Variants in LAMA3 observed in about 807,000 individuals in gnomAD.
LAMA3 encodes laminin subunit alpha-3.
In LAMA3, 281 loss-of-function variants were observed where a neutral mutation model predicts 402.0. The observed-to-expected ratio is 0.70, with a 90% CI of 0.63 to 0.77. LAMA3 has a LOEUF of 0.77. Ranked by LOEUF, LAMA3 falls within the 30% of genes least tolerant of loss-of-function variation. LAMA3 has a pLI of 0.00. For missense variants in LAMA3, 3,840 were observed against 4,215.5 expected, an observed-to-expected ratio of 0.91 and a Z score of 2.47; for synonymous variants, 1,431 against 1,558.4, an observed-to-expected ratio of 0.92 and a Z score of 1.93.
At chr18:23,820,237 A>G (rs1446995150) in intron 19 of LAMA3, among the ~76,000 whole-genome samples, 2 of 152,206 alleles carry the variant, frequency 1.3e-5, no homozygotes, top group East Asian at 3.8e-4. Context: ...TTTGATTACC[A>G]AATCAGAAAA....
chr18:23,904,425 G>T (rs1347522634), intron 50 of LAMA3, 128 bp from the exon 51 acceptor site: 53 of 1,114,970 alleles, frequency 4.8e-5, no homozygotes, highest in Non-Finnish European at 4.6e-5. Flanking sequence ...ATTTTATTTT[G>T]TTTTTTTCCA....
At chr18:23,726,145 G>A (rs947544531) in intron 2 of LAMA3, among the ~76,000 whole-genome samples, 2 of 152,178 alleles carry the variant, frequency 1.3e-5, no homozygotes, top group Non-Finnish European at 2.9e-5. Context: ...GGGTGAGTGG[G>A]GCAAGGAAGC....
Position 23,953,095 on chromosome 18 carries a change from T to C in LAMA3, c.9842T>C (p.Leu3281Pro). 5 of 1,614,064 alleles carry C rather than the reference T, an allele frequency of 3.1e-6. No homozygotes were observed. Among genetic ancestry groups the C allele is most frequent in the Non-Finnish European group, 4.2e-6 (5 of 1,179,956 alleles). ...PPASTQEPLH[L>P]GGAPANLTTL... Reference sequence around the variant, plus strand: ...GCCAGCACTCAAGAGCCACTACACCTTGGAGGTGCTCCAGGTAACTCTTGT... The same window carrying C: ...GCCAGCACTCAAGAGCCACTACACCCTGGAGGTGCTCCAGGTAACTCTTGT... Residue 3281 changes from leucine to proline, a missense_variant, in exon 74 of 75, where the codon CTT becomes CCT. Physicochemically the swap from Leu to Pro is moderately conservative, Grantham distance 98. Around this residue, in one of 3 missense-constraint regions of LAMA3, gnomAD observed 840 missense variants for 981.9 expected, o/e 0.86. Transcript: ENST00000313654.
At position 23,912,747 on chromosome 18, in the gene LAMA3, G is replaced by A; in HGVS notation, c.7195G>A (p.Val2399Ile). The A allele has an allele frequency of 6.2e-7, 1 of 1,614,138 alleles. No individual in the cohort carries two copies. The highest frequency in any genetic ancestry group is 2.2e-5 in the East Asian group (1 of 44,874). Residue 2399 changes from valine (V) to isoleucine (I), a missense_variant, in exon 56 of 75, where the codon GTC (valine) becomes ATC (isoleucine). By Grantham distance (29) the Val-to-Ile change is conservative. Coordinates refer to ENST00000313654, the MANE Select transcript of LAMA3 (RefSeq NM_198129.4). ...CATGAGGTTCAATGGTAAATCTGGA[G>A]TCGAAGTCCGACTGCCAAATGACCT... ...VPMRFNGKSGVEVRLPNDLED... is the reference protein window; with the variant it reads ...VPMRFNGKSGIEVRLPNDLED...
chr18:23,783,955 G>A, intron 11 of LAMA3, 68 bp from the exon 12 acceptor site: 2 of 1,578,048 alleles, frequency 1.3e-6, no homozygotes, highest in South Asian at 1.1e-5. Context: ...AGAAACCTAG[G>A]GGAAGGGAGA....
In LAMA3 at chr18:23,946,156, C is replaced by T; in HGVS notation, c.9223C>T (p.His3075Tyr). Residue 3075 changes from histidine to tyrosine, a missense_variant, in exon 70 of 75, where the codon CAT becomes TAT. Coordinates refer to ENST00000313654, the MANE Select transcript of LAMA3 (RefSeq NM_198129.4). ...TCTTACTCTGAAGGTGGTGTTTGGCCATGATGGGGAAAAGGGGCGCTTGGT... is the reference window on the plus strand; with the variant it reads ...TCTTACTCTGAAGGTGGTGTTTGGCTATGATGGGGAAAAGGGGCGCTTGGT... ...DGKWHTVVFG[H>Y]DGEKGRLVVD... The T allele has an allele frequency of 1.2e-6, 2 of 1,613,880 alleles. No homozygotes were observed. The highest frequency in any genetic ancestry group is 1.7e-6 in the Non-Finnish European group (2 of 1,179,884).
intron 2 of LAMA3, among the ~76,000 whole-genome samples, chr18:23,726,508 G>T (rs1442601269): frequency 1.3e-5 from 2 of 152,230 alleles, no homozygotes; most frequent in African/African-American, 4.8e-5. Flanking sequence ...GGGCCTGAAG[G>T]TGCCTGGTAT....
At chr18:23,820,594 A>G (rs542913132) in intron 19 of LAMA3, among the ~76,000 whole-genome samples, 41 of 152,134 alleles carry the variant, frequency 2.7e-4, no homozygotes, top group African/African-American at 9.4e-4. Flanking sequence ...TGAGTAGGGG[A>G]ATTTATACAT....
chr18:23,942,113 A>G (rs763339641), intron 68 of LAMA3, among the ~76,000 whole-genome samples: 2 of 152,238 alleles, frequency 1.3e-5, no homozygotes, highest in African/African-American at 4.8e-5. Context: ...AATTAACAGT[A>G]TAATTTGTTT....
At position 23,767,900 on chromosome 18, in the gene LAMA3, G is replaced by A. The variant is rs182673943; in HGVS notation, c.1182+4377G>A. Among the ~76,000 whole-genome samples the A allele has an allele frequency of 1.6e-4, 24 of 152,130 alleles. No homozygotes were observed. The Middle Eastern group carries it at 0.01, about 65-fold the overall frequency. ...GAAAGGTCTTTCTATTCAATAAATG[G>A]TGCTAAGATAGTTGTCTCTCCATGT... On this transcript the variant is annotated intron_variant, in intron 8 of 74. Coordinates refer to ENST00000313654, the MANE Select transcript of LAMA3 (RefSeq NM_198129.4).
intron 32 of LAMA3, among the ~76,000 whole-genome samples, chr18:23,856,082 C>T (rs1025655713): frequency 6.6e-6 from 1 of 152,218 alleles, no homozygotes; most frequent in Non-Finnish European, 1.5e-5. Context: ...GATATTGTTA[C>T]CTCCATTTTT....
chr18:23,857,032 A>G lies in LAMA3; in HGVS notation c.4137-812A>G, dbSNP rs532092992. Among the ~76,000 whole-genome samples, 18 of 152,248 alleles carry G rather than the reference A, an allele frequency of 1.2e-4. No individual in the cohort carries two copies. The East Asian group carries it at 3.3e-3, about 28-fold the overall frequency. ...CATGTTGCCTTGTTTGTAACTTGCCAAGTGCCAGGCACTGGGATGAAATTT... is the reference window on the plus strand; with the variant it reads ...CATGTTGCCTTGTTTGTAACTTGCCGAGTGCCAGGCACTGGGATGAAATTT... On this transcript the variant is annotated intron_variant, in intron 32 of 74. Coordinates refer to ENST00000313654, the MANE Select transcript of LAMA3 (RefSeq NM_198129.4).
intron 73 of LAMA3, among the ~76,000 whole-genome samples, chr18:23,952,002 G>T (rs185561044): frequency 1.4e-3 from 218 of 152,262 alleles, no homozygotes; most frequent in African/African-American, 4.9e-3. Context: ...TGCTGTTGTT[G>T]TTGTTTGTTT....
At chr18:23,816,877 C>T (rs2063186483) in intron 18 of LAMA3, among the ~76,000 whole-genome samples, 1 of 152,072 alleles carries the variant, frequency 6.6e-6, no homozygotes, top group Admixed American at 6.5e-5. Context: ...TGGTGCCACA[C>T]ACCCAGTTGC....
chr18:23,861,887 GAAGGAAGCATCCAGCAGTTCAGGTTACT>G, intron 35 of LAMA3, 80 bp downstream of exon 35: 1 of 1,437,472 alleles, frequency 7.0e-7, no homozygotes, highest in East Asian at 2.5e-5. Context: ...TGGAAATCTG[GAAGGAAGCATCCAGCAGTTCAGGTTACT>G]AACGTTCCAG....
chr18:23,897,845 A>T (rs1258149), intron 44 of LAMA3, among the ~76,000 whole-genome samples: 146,350 of 152,254 alleles, frequency 0.96, 70,470 homozygotes, highest in East Asian at 1. Flanking sequence ...ACATTTTACA[A>T]TACATTAGCT....
intron 2 of LAMA3, among the ~76,000 whole-genome samples, chr18:23,744,092 T>G (rs1045863002): frequency 6.6e-6 from 1 of 152,214 alleles, no homozygotes; most frequent in African/African-American, 2.4e-5. Context: ...TCCCTACCTG[T>G]TGGCTTAACA....
intron 11 of LAMA3, among the ~76,000 whole-genome samples, chr18:23,783,364 G>A (rs1465792938): frequency 6.6e-6 from 1 of 152,244 alleles, no homozygotes. Flanking sequence ...AGGAAAGTGG[G>A]GGGGCCATTT....
At chr18:23,775,446 G>A (rs558288972) in intron 9 of LAMA3, among the ~76,000 whole-genome samples, 59 of 152,312 alleles carry the variant, frequency 3.9e-4, no homozygotes, top group African/African-American at 1.4e-3. Context: ...AAAGGGCTGT[G>A]CCCAACAGAA....
Sources: gnomAD v4.1 joint callset for allele counts (sites outside exome capture counted in the v4.1 genomes callset) on GRCh38, gnomAD v4.1.1 for gene constraint, gnomAD v4.1.1 regional missense constraint, MANE v1.5 for transcripts, NCBI Gene and HGNC (gene_info 2026-07-23, HGNC 2026-07-21) for gene names.